The following CMTR1 variants were observed in gnomAD, a reference collection of about 807,000 sequenced individuals.
The protein encoded by CMTR1 is cap methyltransferase 1.
CMTR1 carries 39 observed loss-of-function variants against 107.0 expected under a neutral mutation model. The ratio of observed to expected loss-of-function variants is 0.36; its 90% CI spans 0.28 to 0.48. The LOEUF (loss-of-function observed/expected upper bound fraction) is 0.48. Among genes scored for constraint, CMTR1 ranks in the 20% least tolerant of loss-of-function variants. The pLI, the probability that CMTR1 is intolerant of heterozygous loss-of-function variation, is 0.99. For missense variants in CMTR1, 672 were observed against 1,064.9 expected, an observed-to-expected ratio of 0.63 and a Z score of 5.14; for synonymous variants, 366 against 379.5, an observed-to-expected ratio of 0.96 and a Z score of 0.41.
At chr6:37,444,681 A>T (rs1199616289) in intron 3 of CMTR1, among the ~76,000 whole-genome samples, 1 of 152,204 alleles carries the variant, frequency 6.6e-6, no homozygotes, top group Non-Finnish European at 1.5e-5. Flanking sequence ...TCCTTAGTGT[A>T]TGTGCAAACA....
intron 17 of CMTR1, 30 bp downstream of exon 17, chr6:37,473,631 T>A: frequency 6.2e-7 from 1 of 1,606,748 alleles, no homozygotes; most frequent in South Asian, 1.1e-5. Context: ...CCTGCCCAGC[T>A]TGGAATGGTG....
chr6:37,464,032 A>G (rs12212090), intron 13 of CMTR1, among the ~76,000 whole-genome samples: 79,717 of 152,118 alleles, frequency 0.52, 23,435 homozygotes, highest in Middle Eastern at 0.68. Flanking sequence ...CCAATAACAC[A>G]GAGTGTTTAA....
chr6:37,459,498 G>A (rs753069715), intron 9 of CMTR1, 68 bp from the exon 10 acceptor site: 6 of 1,328,724 alleles, frequency 4.5e-6, no homozygotes, highest in African/African-American at 2.9e-5. Flanking sequence ...CTGACCCAGA[G>A]CACTCGTGTC....
intron 10 of CMTR1, among the ~76,000 whole-genome samples, chr6:37,460,218 G>C (rs1013809598): frequency 6.6e-6 from 1 of 152,244 alleles, no homozygotes; most frequent in African/African-American, 2.4e-5. Flanking sequence ...GGATCATATA[G>C]CTAGAGTTGA....
intron 2 of CMTR1, among the ~76,000 whole-genome samples, chr6:37,441,048 A>G (rs1771664321): frequency 6.6e-6 from 1 of 152,210 alleles, no homozygotes; most frequent in Admixed American, 6.5e-5. Flanking sequence ...GTGATTAGTC[A>G]GGGCCCTGGA....
At chr6:37,471,145 CTGTT>C in intron 14 of CMTR1, 68 bp downstream of exon 14, 5 of 1,410,092 alleles carry the variant, frequency 3.5e-6, no homozygotes, top group South Asian at 1.3e-5. Context: ...TCCCCACAAG[CTGTT>C]TGTTTTTTTC....
At chr6:37,428,946 AT>A (rs535741596), upstream of CMTR1, among the ~76,000 whole-genome samples, 14 of 152,274 alleles carry the variant, frequency 9.2e-5, 1 homozygote, top group South Asian at 2.9e-3. Flanking sequence ...GCCTTTTGCC[AT>A]TGTTTGGAAG....
chr6:37,462,840 G>A lies in CMTR1; in HGVS notation c.1337G>A (p.Cys446Tyr). 1.2e-6 allele frequency: 2 copies of A among 1,612,654 alleles called. No homozygotes were observed. The highest frequency in any genetic ancestry group is 1.7e-5 in the Admixed American group (1 of 60,018). The part of the protein sequence containing the change: ...RPANSERYVV[C>Y]KGLKVGIDDV... The stretch of plus-strand genomic sequence containing the variant: ...GTATCTTCTGCCAGGTATGTGGTGT[G>A]CAAGGGCCTGAAGGTGGGCATAGAT... Residue 446 changes from cysteine to tyrosine, a missense_variant, in exon 13 of 24, where the codon TGC becomes TAC. This residue lies in a region of CMTR1 where 583 missense variants were observed against 968.4 expected (regional missense o/e 0.60). Transcript: ENST00000373451.
rs1035639366 is a variant in CMTR1 at position 37,480,250 on chromosome 6, G to T, written c.*105G>T. 1 of 1,528,346 alleles carries T rather than the reference G, an allele frequency of 6.5e-7. No individual in the cohort carries two copies. 94.7% of individuals were successfully genotyped at this position (1,528,346 alleles called of 1,614,324 possible). ...CTTCCCCCTCTTGAAAAGGGACTGG[G>T]GAGCATTGCACCTGGCATGAGGAGT... On this transcript the variant is annotated 3_prime_UTR_variant, in exon 24 of 24. Coordinates refer to ENST00000373451, the MANE Select transcript of CMTR1 (RefSeq NM_015050.3).
At chr6:37,468,364 C>T (rs899091366) in intron 13 of CMTR1, among the ~76,000 whole-genome samples, 4 of 151,986 alleles carry the variant, frequency 2.6e-5, no homozygotes, top group African/African-American at 4.8e-5. Context: ...TTACTTTAAA[C>T]CGTTTATAGT....
Position 37,480,050 on chromosome 6 carries a change from G to T in CMTR1, c.2413G>T (p.Asp805Tyr). 3 of 1,582,672 alleles carry T rather than the reference G, an allele frequency of 1.9e-6. No individual in the cohort carries two copies. Among genetic ancestry groups the T allele is most frequent in the Non-Finnish European group, 2.6e-6 (3 of 1,168,504 alleles). The change falls in exon 24 of 24, where the codon GAT becomes TAT. Residue 805 changes from aspartate to tyrosine, a missense_variant. Physicochemically the swap from Asp to Tyr is radical, Grantham distance 160. Around this residue, in one of 2 missense-constraint regions of CMTR1, gnomAD observed 583 missense variants for 968.4 expected, o/e 0.60. Coordinates refer to ENST00000373451, the MANE Select transcript of CMTR1 (RefSeq NM_015050.3). Reference sequence around the variant, plus strand: ...TGGCCGGCTCTTCTGGGAGTGGGGGGATGGCATTCGTGTGCATGACTCCCA... The same window carrying T: ...TGGCCGGCTCTTCTGGGAGTGGGGGTATGGCATTCGTGTGCATGACTCCCA... ...YYGRLFWEWG[D>Y]GIRVHDSQKP... is the part of the protein sequence containing the mutation.
intron 12 of CMTR1, among the ~76,000 whole-genome samples, chr6:37,462,532 T>G (rs1009967173): frequency 2.6e-5 from 4 of 152,246 alleles, no homozygotes; most frequent in African/African-American, 9.6e-5. Flanking sequence ...GGCCTTCTCC[T>G]GGGAGAGTTT....
rs752905508 is a variant in CMTR1, at chr6:37,453,106, C to T, written c.669C>T (p.Pro223=). Residue 223 remains proline (P), a synonymous_variant, in exon 7 of 24, where the codon CCC becomes CCT. Transcript: ENST00000373451. The part of the protein sequence containing the change: ...EMRRARTRAN[P]YEMIRGVFFL... ...GGCGAGCTCGGACTCGGGCCAATCCCTATGAGATGATCCGAGGAGTCTTCT... is the reference window on the plus strand; with the variant it reads ...GGCGAGCTCGGACTCGGGCCAATCCTTATGAGATGATCCGAGGAGTCTTCT... 6.2e-7 allele frequency: 1 copy of T among 1,614,034 alleles called. No homozygotes were observed. Among genetic ancestry groups the T allele is most frequent in the African/African-American group, 1.3e-5 (1 of 74,912 alleles).
At chr6:37,454,330 T>G (rs1212130757) in intron 8 of CMTR1, among the ~76,000 whole-genome samples, 2 of 152,238 alleles carry the variant, frequency 1.3e-5, no homozygotes, top group East Asian at 1.9e-4. Context: ...CTGGCAAAAC[T>G]GGCATGTAGC....
chr6:37,459,836 AT>A, intron 10 of CMTR1, 152 bp downstream of exon 10: 1 of 683,420 alleles, frequency 1.5e-6, no homozygotes. Flanking sequence ...CTTTTTATAC[AT>A]TTTTTAAATG....
chr6:37,452,333 TAGTG>T (rs1761196613), intron 6 of CMTR1, among the ~76,000 whole-genome samples: 1 of 152,138 alleles, frequency 6.6e-6, no homozygotes, highest in Non-Finnish European at 1.5e-5. Context: ...CTAAATGAAA[TAGTG>T]GGTGTGAAGT....
chr6:37,439,138 C>G (rs924465210), intron 2 of CMTR1, among the ~76,000 whole-genome samples: 2 of 152,138 alleles, frequency 1.3e-5, no homozygotes, highest in African/African-American at 4.8e-5. Context: ...ATTGCCAGGT[C>G]AAAGACTGAC....
intron 10 of CMTR1, 69 bp downstream of exon 10, chr6:37,459,753 G>A (rs1761364054): frequency 1.8e-6 from 2 of 1,086,258 alleles, no homozygotes; most frequent in Non-Finnish European, 2.9e-6. Context: ...AGAATTGTTT[G>A]TTTTATCTGG....
intron 12 of CMTR1, among the ~76,000 whole-genome samples, chr6:37,462,625 C>T (rs1045000362): frequency 2.6e-5 from 4 of 152,090 alleles, no homozygotes; most frequent in East Asian, 1.9e-4. Flanking sequence ...GGAACTACTG[C>T]GATAGAGAGT....
Sources: allele counts gnomAD v4.1 joint callset (sites outside exome capture counted in the v4.1 genomes callset), GRCh38; gene constraint gnomAD v4.1.1; regional missense constraint gnomAD v4.1.1; transcripts MANE v1.5; gene names NCBI Gene and HGNC (gene_info 2026-07-23, HGNC 2026-07-21).